Variants in RXRG observed in about 807,000 individuals in gnomAD.
The protein encoded by RXRG is retinoic acid receptor RXR-gamma.
A neutral mutation model predicts 49.2 loss-of-function variants in RXRG; 19 were observed. The ratio of observed to expected loss-of-function variants is 0.39; its 90% CI spans 0.27 to 0.57. The LOEUF (loss-of-function observed/expected upper bound fraction) is 0.57. RXRG is among the 20% of genes least tolerant of loss of function. The probability of loss-of-function intolerance (pLI) is 0.64; values close to 1 mark genes in which losing one functional copy is unlikely to be tolerated. For missense variants in RXRG, 452 were observed against 592.5 expected (o/e 0.76, Z 2.46); for synonymous variants, 224 against 216.6 (o/e 1.03, Z -0.30).
At chr1:165,436,108 C>T (rs1658811198) in intron 1 of RXRG, among the ~76,000 whole-genome samples, 2 of 152,216 alleles carry the variant, frequency 1.3e-5, no homozygotes, top group South Asian at 4.1e-4. Context: ...GCTTTCCCCT[C>T]ACAGAGCTGG....
chr1:165,439,632 T>C (rs1174349740), intron 1 of RXRG, among the ~76,000 whole-genome samples: 1 of 152,116 alleles, frequency 6.6e-6, no homozygotes, highest in African/African-American at 2.4e-5. Context: ...CTCCAACACA[T>C]TCCTTGATTT....
chr1:165,420,441 G>C (rs890765055), intron 2 of RXRG, among the ~76,000 whole-genome samples: 1 of 152,118 alleles, frequency 6.6e-6, no homozygotes, highest in African/African-American at 2.4e-5. Flanking sequence ...CACTCTAAGA[G>C]AGCCAAGCAA....
At position 165,419,864 on chromosome 1, in the gene RXRG, A is replaced by C. The variant is rs755724732; in HGVS notation, c.442+6T>G. ...CTTTTCAGGGAGTGTCTGCTTCTGC[A>C]TGTACCTGAGGATCTGTCTCCACAG... is the stretch of plus-strand genomic sequence containing the variant. On this transcript the variant is annotated splice_donor_region_variant and intron_variant, in intron 3 of 9. Transcript: ENST00000359842. 1.2e-6 allele frequency: 2 copies of C among 1,602,324 alleles called. No homozygotes were observed. Among genetic ancestry groups the C allele is most frequent in the Non-Finnish European group, 8.5e-7 (1 of 1,173,500 alleles).
At chr1:165,432,053 C>A (rs930304761) in intron 1 of RXRG, among the ~76,000 whole-genome samples, 7 of 152,030 alleles carry the variant, frequency 4.6e-5, no homozygotes, top group Admixed American at 4.6e-4. Context: ...AAACATCAAC[C>A]TGCATAAAAA....
At chr1:165,441,136 A>T (rs1178026166) in intron 1 of RXRG, among the ~76,000 whole-genome samples, 4 of 152,236 alleles carry the variant, frequency 2.6e-5, no homozygotes, top group Non-Finnish European at 4.4e-5. Context: ...AGTGAAAGCA[A>T]CTATTCTACA....
intron 1 of RXRG, among the ~76,000 whole-genome samples, chr1:165,436,573 G>GTAAAT (rs1297314797): frequency 2.0e-5 from 3 of 152,190 alleles, no homozygotes; most frequent in Non-Finnish European, 4.4e-5. Flanking sequence ...TGCTGACAAA[G>GTAAAT]TAAATAAGAC....
intron 7 of RXRG, 36 bp downstream of exon 7, chr1:165,409,518 CACAT>C (rs368152805): frequency 8.2e-6 from 11 of 1,336,226 alleles, no homozygotes; most frequent in Admixed American, 3.2e-5. Flanking sequence ...CACACACACA[CACAT>C]AATACACACA....
At chr1:165,440,005 AG>A (rs1439180374) in intron 1 of RXRG, among the ~76,000 whole-genome samples, 2 of 152,200 alleles carry the variant, frequency 1.3e-5, no homozygotes, top group Non-Finnish European at 2.9e-5. Flanking sequence ...AACCCAAACT[AG>A]GGGTTGAATT....
rs752965682 is a variant in RXRG, at chr1:165,401,457, G to A, written c.1245-47C>T. On this transcript the variant is annotated intron_variant, in intron 9 of 9. Coordinates refer to ENST00000359842, the MANE Select transcript of RXRG (RefSeq NM_006917.5). ...TCAGGGACAGGGACGGGCAGGCACT[G>A]CACACCTGCACCTGCTGGCAGGAGG... The A allele has an allele frequency of 3.1e-6, 5 of 1,606,184 alleles. No individual in the cohort carries two copies. The South Asian group carries it at 5.5e-5, about 18-fold the overall frequency.
chr1:165,416,832 A>T (rs1658140246), intron 4 of RXRG, among the ~76,000 whole-genome samples: 1 of 152,226 alleles, frequency 6.6e-6, no homozygotes. Flanking sequence ...TTCCTAGGAA[A>T]AGGGTACATT....
intron 2 of RXRG, among the ~76,000 whole-genome samples, chr1:165,423,381 C>G (rs1393914028): frequency 6.6e-6 from 1 of 152,212 alleles, no homozygotes; most frequent in African/African-American, 2.4e-5. Context: ...TCTGCTGGAT[C>G]GTCTTCCCTT....
chr1:165,439,018 C>A (rs1464065716), intron 1 of RXRG, among the ~76,000 whole-genome samples: 2 of 152,042 alleles, frequency 1.3e-5, no homozygotes, highest in Admixed American at 6.5e-5. Context: ...CTAAAATCCC[C>A]ACTGAGTAAC....
intron 1 of RXRG, among the ~76,000 whole-genome samples, chr1:165,443,218 A>C (rs979575300): frequency 6.6e-6 from 1 of 152,070 alleles, no homozygotes; most frequent in African/African-American, 2.4e-5. Context: ...TATTCACCCC[A>C]ACTGTCTCCA....
chr1:165,415,070 T>A (rs1170657528), intron 4 of RXRG, among the ~76,000 whole-genome samples: 1 of 152,162 alleles, frequency 6.6e-6, no homozygotes. Context: ...TGATAACTAC[T>A]GTGTAAAAGA....
At chr1:165,407,328 C>T (rs982829476) in intron 8 of RXRG, among the ~76,000 whole-genome samples, 5 of 152,218 alleles carry the variant, frequency 3.3e-5, no homozygotes, top group African/African-American at 1.2e-4. Flanking sequence ...GAGATAAAGC[C>T]TCTGCATGAA....
chr1:165,418,075 C>A (rs902481236), intron 3 of RXRG, among the ~76,000 whole-genome samples: 3 of 142,200 alleles, frequency 2.1e-5, no homozygotes, highest in Admixed American at 1.5e-4. Context: ...CATGCCCCTG[C>A]ACTCTAGCCT....
chr1:165,438,767 T>C (rs1658891807), intron 1 of RXRG, among the ~76,000 whole-genome samples: 1 of 152,216 alleles, frequency 6.6e-6, no homozygotes, highest in Non-Finnish European at 1.5e-5. Context: ...ACCAACATGG[T>C]CTTATTAATT....
chr1:165,422,448 T>C (rs969766544), intron 2 of RXRG, among the ~76,000 whole-genome samples: 3 of 152,174 alleles, frequency 2.0e-5, no homozygotes, highest in African/African-American at 4.8e-5. Flanking sequence ...TCACATGCTA[T>C]TGAGATCAGG....
rs375033777 is a variant in RXRG, at chr1:165,428,921, G to A, written c.95C>T (p.Ala32Val). Residue 32 changes from alanine (A) to valine (V), a missense_variant, in exon 2 of 10, where the codon GCC becomes GTC. Ala to Val is a moderately conservative substitution (Grantham distance 64). Around this residue, in one of 2 missense-constraint regions of RXRG, gnomAD observed 166 missense variants for 151.7 expected, o/e 1.09. Coordinates refer to ENST00000359842, the MANE Select transcript of RXRG (RefSeq NM_006917.5). ...TGSTSMSPSA[A>V]LSTGKPMDSH... ...GTCCATTGGCTTCCCTGTGGACAAG[G>A]CTGCTGATGGGCTCATGGATGTAGA... 4.3e-6 allele frequency: 7 copies of A among 1,613,636 alleles called. No individual in the cohort carries two copies. Among genetic ancestry groups the A allele is most frequent in the Middle Eastern group, 3.3e-4 (2 of 6,084 alleles).
Sources: gnomAD v4.1 joint callset for allele counts (sites outside exome capture counted in the v4.1 genomes callset) on GRCh38, gnomAD v4.1.1 for gene constraint, gnomAD v4.1.1 regional missense constraint, MANE v1.5 for transcripts, NCBI Gene and HGNC (gene_info 2026-07-23, HGNC 2026-07-21) for gene names.